ARK2C: variants seen among roughly 807,000 people sequenced by gnomAD.
ARK2C encodes E3 ubiquitin-protein ligase ARK2C.
chr18:46,369,628 C>A, the ARK2C span, among the ~76,000 whole-genome samples: 60 of 152,170 alleles, frequency 3.9e-4, no homozygotes, highest in African/African-American at 1.4e-3. Context: ...GGCCTGGAGA[C>A]AGCTCCTTGC....
the ARK2C span, chr18:46,458,786 T>C: frequency 1.3e-5 from 2 of 152,212 alleles, no homozygotes; most frequent in South Asian, 4.1e-4. Flanking sequence ...AGACAATAGC[T>C]TTGAGGAGCT....
the ARK2C span, among the ~76,000 whole-genome samples, chr18:46,409,901 G>A: frequency 2.0e-5 from 3 of 152,210 alleles, no homozygotes; most frequent in East Asian, 3.8e-4. Flanking sequence ...CAGCCATAGA[G>A]CACATTTTGT....
At chr18:46,447,529 C>T in the ARK2C span, 2 of 1,613,470 alleles carry the variant, frequency 1.2e-6, no homozygotes, top group Non-Finnish European at 1.7e-6. Flanking sequence ...TAAATCACAC[C>T]ACCCTATGGT....
the ARK2C span, chr18:46,447,475 C>T: frequency 6.8e-7 from 1 of 1,470,552 alleles, no homozygotes; most frequent in Non-Finnish European, 9.5e-7. Context: ...CACTCCAATT[C>T]TACTCCATAG....
chr18:46,403,761 C>T, the ARK2C span, among the ~76,000 whole-genome samples: 1 of 152,078 alleles, frequency 6.6e-6, no homozygotes, highest in Non-Finnish European at 1.5e-5. Flanking sequence ...ACTTGTAATC[C>T]CAGCTGCTTG....
the ARK2C span, among the ~76,000 whole-genome samples, chr18:46,446,701 G>GA: frequency 3.6e-4 from 42 of 116,554 alleles, no homozygotes; most frequent in African/African-American, 4.1e-4. Context: ...AAAAGGAAAA[G>GA]AAAAAAAAAA....
At chr18:46,412,393 C>A in the ARK2C span, among the ~76,000 whole-genome samples, 1 of 152,236 alleles carries the variant, frequency 6.6e-6, no homozygotes, top group Non-Finnish European at 1.5e-5. Flanking sequence ...CATGTCCCTG[C>A]CAGTCTGCTG....
the ARK2C span, among the ~76,000 whole-genome samples, chr18:46,411,101 CT>C: frequency 5.3e-5 from 8 of 152,304 alleles, no homozygotes; most frequent in African/African-American, 1.9e-4. Context: ...TTAATGACAG[CT>C]CTTTTTGTTG....
At chr18:46,456,746 T>G in the ARK2C span, 1 of 779,820 alleles carries the variant, frequency 1.3e-6, no homozygotes, top group Non-Finnish European at 2.3e-6. Flanking sequence ...AGGAAAAGCC[T>G]GCAAGCACAT....
the ARK2C span, among the ~76,000 whole-genome samples, chr18:46,360,128 C>T: frequency 6.6e-6 from 1 of 152,178 alleles, no homozygotes; most frequent in Non-Finnish European, 1.5e-5. Context: ...GCAATGGCCC[C>T]ATTGAAGGTC....
At chr18:46,421,907 C>G in the ARK2C span, among the ~76,000 whole-genome samples, 5 of 152,296 alleles carry the variant, frequency 3.3e-5, no homozygotes, top group Admixed American at 6.5e-5. Flanking sequence ...CAAAGCTGCT[C>G]TTGGCTGTAA....
At chr18:46,383,550 G>GTTTTTTTT in the ARK2C span, among the ~76,000 whole-genome samples, 13 of 97,894 alleles carry the variant, frequency 1.3e-4, no homozygotes, top group Admixed American at 4.7e-4. Context: ...GGTTTTCTCT[G>GTTTTTTTT]TTTTTTTTTT....
At chr18:46,424,620 G>T in the ARK2C span, among the ~76,000 whole-genome samples, 2 of 152,068 alleles carry the variant, frequency 1.3e-5, no homozygotes, top group African/African-American at 4.8e-5. Context: ...TTTCTACTTA[G>T]CCTCCCCGTG....
At chr18:46,418,278 G>A in the ARK2C span, among the ~76,000 whole-genome samples, 1 of 151,918 alleles carries the variant, frequency 6.6e-6, no homozygotes. Context: ...GATCGCTTGA[G>A]CCCAGGAGAC....
the ARK2C span, among the ~76,000 whole-genome samples, chr18:46,363,718 G>A: frequency 3.9e-5 from 6 of 152,094 alleles, no homozygotes; most frequent in South Asian, 6.2e-4. Flanking sequence ...ATAATGAGCT[G>A]GCCTTGTAGT....
chr18:46,424,232 T>G, the ARK2C span, among the ~76,000 whole-genome samples: 4 of 152,188 alleles, frequency 2.6e-5, no homozygotes, highest in African/African-American at 9.7e-5. Context: ...TGCAATGGTC[T>G]GGCAAAGCAG....
At chr18:46,412,531 T>C in the ARK2C span, among the ~76,000 whole-genome samples, 1 of 152,236 alleles carries the variant, frequency 6.6e-6, no homozygotes, top group Admixed American at 6.5e-5. Context: ...CCCAGGGTAG[T>C]GGGAGGAGAT....
chr18:46,450,782 C>G, the ARK2C span: 1 of 1,613,294 alleles, frequency 6.2e-7, no homozygotes. Context: ...GTTCACCTTC[C>G]CCCACAAGTA....
the ARK2C span, among the ~76,000 whole-genome samples, chr18:46,454,204 GC>G: frequency 6.8e-6 from 1 of 148,148 alleles, no homozygotes; most frequent in Non-Finnish European, 1.5e-5. Flanking sequence ...GTAATATTAA[GC>G]TAAAATTTTT....
Sources: allele counts gnomAD v4.1 joint callset (sites outside exome capture counted in the v4.1 genomes callset), GRCh38; gene constraint gnomAD v4.1.1; transcripts MANE v1.5; gene names NCBI Gene and HGNC (gene_info 2026-07-23, HGNC 2026-07-21).